Variants in BPTF observed in about 807,000 individuals in gnomAD.
BPTF encodes the protein bromodomain PHD finger transcription factor.
In BPTF, 18 loss-of-function variants were observed where a neutral mutation model predicts 292.5. The ratio of observed to expected loss-of-function variants is 0.06; its 90% CI spans 0.04 to 0.09. BPTF has a LOEUF of 0.09. Among genes scored for constraint, BPTF ranks in the 10% least tolerant of loss-of-function variants. The pLI is 1.00. For missense variants in BPTF, 2,726 were observed against 3,498.7 expected, an observed-to-expected ratio of 0.78 and a Z score of 5.57; for synonymous variants, 1,225 against 1,251.9, an observed-to-expected ratio of 0.98 and a Z score of 0.45.
At chr17:67,957,770 C>T (rs560127796) in intron 23 of BPTF, among the ~76,000 whole-genome samples, 1 of 152,194 alleles carries the variant, frequency 6.6e-6, no homozygotes, top group Non-Finnish European at 1.5e-5. Context: ...GTGGGAGGAT[C>T]ACTTGAGCCT....
Position 67,982,479 on chromosome 17 carries a change from C to T in BPTF, c.*191C>T. On this transcript the variant is annotated 3_prime_UTR_variant, in exon 28 of 28. Transcript: ENST00000306378. ...CCAACGGACAAGAAAAAAGCAAAGT[C>T]AACGACACCATTATCTTGTCAAGAT... 1 of 470,664 alleles carries T rather than the reference C, an allele frequency of 2.1e-6. No homozygotes were observed. Among genetic ancestry groups the T allele is most frequent in the South Asian group, 4.5e-5 (1 of 22,330 alleles). The allele number at this position is 470,664 out of a possible 1,614,324, so 29.2% of individuals were successfully genotyped here. A position where few individuals can be genotyped will look rare whatever the true frequency, so the allele number is the denominator to read the frequency against.
At chr17:67,830,607 A>T (rs2056577727) in intron 1 of BPTF, among the ~76,000 whole-genome samples, 1 of 141,852 alleles carries the variant, frequency 7.0e-6, no homozygotes, top group Admixed American at 6.9e-5. Flanking sequence ...GTGGAGAGTA[A>T]GGAAAGGCAG....
At chr17:67,937,783 G>T (rs1156658123) in intron 18 of BPTF, among the ~76,000 whole-genome samples, 10 of 152,120 alleles carry the variant, frequency 6.6e-5, no homozygotes, top group African/African-American at 2.4e-4. Flanking sequence ...GATCACACTG[G>T]AACTTATCCC....
At chr17:67,919,379 C>A (rs1463764527) in intron 12 of BPTF, among the ~76,000 whole-genome samples, 1 of 151,746 alleles carries the variant, frequency 6.6e-6, no homozygotes, top group Non-Finnish European at 1.5e-5. Flanking sequence ...CTTCAAAACT[C>A]TAATTTAAAA....
At chr17:67,926,464 A>G (rs2063910506) in intron 15 of BPTF, among the ~76,000 whole-genome samples, 2 of 151,262 alleles carry the variant, frequency 1.3e-5, no homozygotes, top group Admixed American at 1.3e-4. Flanking sequence ...AACTGTGACT[A>G]TAGGCGCCCG....
At chr17:67,930,367 T>G (rs1014079330) in intron 17 of BPTF, among the ~76,000 whole-genome samples, 3 of 151,620 alleles carry the variant, frequency 2.0e-5, no homozygotes, top group African/African-American at 7.3e-5. Context: ...CCTGGCTAAT[T>G]TTTGTATTTT....
intron 2 of BPTF, among the ~76,000 whole-genome samples, chr17:67,859,437 T>A (rs2058941451): frequency 6.6e-6 from 1 of 152,258 alleles, no homozygotes; most frequent in South Asian, 2.1e-4. Context: ...TGAGCCACCA[T>A]GCCCTGCCTT....
intron 11 of BPTF, among the ~76,000 whole-genome samples, chr17:67,917,572 C>T (rs753026918): frequency 2.6e-5 from 4 of 151,368 alleles, no homozygotes; most frequent in African/African-American, 7.3e-5. Flanking sequence ...TGTTTTTGTC[C>T]GTTTGGAAAG....
chr17:67,927,647 TG>T (rs1789520183), intron 15 of BPTF, among the ~76,000 whole-genome samples: 1 of 152,222 alleles, frequency 6.6e-6, no homozygotes, highest in African/African-American at 2.4e-5. Flanking sequence ...ATCTCACCGC[TG>T]AGCAGCATGG....
chr17:67,889,078 G>A (rs754907231), intron 4 of BPTF, among the ~76,000 whole-genome samples: 2 of 152,158 alleles, frequency 1.3e-5, no homozygotes, highest in Non-Finnish European at 2.9e-5. Flanking sequence ...AGTTTGTGTA[G>A]GCTTCTGCCT....
Position 67,909,662 on chromosome 17 carries a change from C to G in BPTF, c.2893C>G (p.Pro965Ala), listed in dbSNP as rs1284842339. 5 of 1,600,688 alleles carry G rather than the reference C, an allele frequency of 3.1e-6. 1 individual carries two copies. In the Admixed American group the frequency reaches 6.9e-5, roughly 22 times the overall value. The stretch of plus-strand genomic sequence containing the variant: ...AAGTCCAAAAAAAATAAAAATAGAG[C>G]CTGATTCTGAAAAAGATGAGGTAAA... The part of the protein sequence containing the change: ...SRSPKKIKIE[P>A]DSEKDEVKGS... The change falls in exon 10 of 28, where the codon CCT (proline) becomes GCT (alanine). Residue 965 changes from proline to alanine, a missense_variant. By Grantham distance (27) the Pro-to-Ala change is conservative. Coordinates refer to ENST00000306378, the MANE Select transcript of BPTF (RefSeq NM_182641.4).
intron 23 of BPTF, among the ~76,000 whole-genome samples, chr17:67,957,785 G>A (rs2067098320): frequency 6.6e-6 from 1 of 152,184 alleles, no homozygotes; most frequent in South Asian, 2.1e-4. Flanking sequence ...GAGCCTGGCA[G>A]GTCAAGGCTA....
chr17:67,941,644 G>T (rs2065375627), intron 19 of BPTF, among the ~76,000 whole-genome samples: 1 of 152,126 alleles, frequency 6.6e-6, no homozygotes, highest in Non-Finnish European at 1.5e-5. Flanking sequence ...AGTAAATGGT[G>T]CCAGGACAAT....
chr17:67,912,630 A>G lies in BPTF; in HGVS notation c.4746A>G (p.Lys1582=). 7.4e-6 allele frequency: 12 copies of G among 1,613,250 alleles called. No individual in the cohort carries two copies. Among genetic ancestry groups the G allele is most frequent in the Non-Finnish European group, 1.0e-5 (12 of 1,179,874 alleles). Reference sequence around the variant, plus strand: ...ATGTCAATGGAGAATCTAAAAGAAAAACCGTCATCACAGAAGTCACCACGA... The same window carrying G: ...ATGTCAATGGAGAATCTAAAAGAAAGACCGTCATCACAGAAGTCACCACGA... ...NENVNGESKR[K]TVITEVTTMT... The change falls in exon 11 of 28, where the codon AAA becomes AAG. Residue 1582 remains lysine, a synonymous_variant. Coordinates refer to ENST00000306378, the MANE Select transcript of BPTF (RefSeq NM_182641.4).
chr17:67,952,557 C>T (rs1431398270), intron 23 of BPTF, among the ~76,000 whole-genome samples: 1 of 152,118 alleles, frequency 6.6e-6, no homozygotes, highest in Non-Finnish European at 1.5e-5. Context: ...GCCACCACGC[C>T]CAGCCAATAG....
intron 1 of BPTF, among the ~76,000 whole-genome samples, chr17:67,836,852 T>G (rs2057172343): frequency 6.6e-6 from 1 of 152,206 alleles, no homozygotes; most frequent in African/African-American, 2.4e-5. Context: ...GTGCAAAGAG[T>G]AAAATGTTTT....
intron 26 of BPTF, among the ~76,000 whole-genome samples, chr17:67,969,485 A>G (rs1402486072): frequency 1.4e-5 from 2 of 142,704 alleles, no homozygotes; most frequent in East Asian, 2.1e-4. Flanking sequence ...AGAGATAGCC[A>G]TTGCTTTTGG....
chr17:67,901,063 A>G (rs1343954844), intron 7 of BPTF, among the ~76,000 whole-genome samples: 1 of 152,152 alleles, frequency 6.6e-6, no homozygotes, highest in East Asian at 1.9e-4. Context: ...AAGAATAGCC[A>G]AAAGGGGAAA....
intron 22 of BPTF, 35 bp downstream of exon 22, chr17:67,947,843 C>T (rs1555676244): frequency 1.3e-6 from 2 of 1,531,870 alleles, no homozygotes; most frequent in Admixed American, 2.0e-5. Flanking sequence ...GTCTGTCCGT[C>T]TCTTCTCTTT....
Sources: allele counts gnomAD v4.1 joint callset (sites outside exome capture counted in the v4.1 genomes callset), GRCh38; gene constraint gnomAD v4.1.1; transcripts MANE v1.5; gene names NCBI Gene and HGNC (gene_info 2026-07-23, HGNC 2026-07-21).